Variants in AK9 observed in about 807,000 individuals in gnomAD.
The protein encoded by AK9 is adenylate kinase 9, also known as adenylate kinase domain containing 1.
Under a neutral mutation model 239.6 loss-of-function variants are expected in AK9, and 191 were observed. The observed-to-expected ratio is 0.80, with a 90% CI of 0.71 to 0.90. The LOEUF (loss-of-function observed/expected upper bound fraction) is 0.90, where lower values mean the gene tolerates loss of function less well. Ranked by LOEUF, AK9 falls within the 40% of genes least tolerant of loss-of-function variation. The pLI, the probability that AK9 is intolerant of heterozygous loss-of-function variation, is 0.00. For synonymous variants in AK9, 689 were observed against 721.0 expected (o/e 0.96, Z 0.71); for missense variants, 1,995 against 2,214.7 (o/e 0.90, Z 1.99).
At chr6:109,496,036 A>C (rs1164099635) in intron 38 of AK9, among the ~76,000 whole-genome samples, 1 of 152,166 alleles carries the variant, frequency 6.6e-6, no homozygotes, top group Non-Finnish European at 1.5e-5. Context: ...TATGCCTTCC[A>C]GAAACGAACA....
intron 13 of AK9, among the ~76,000 whole-genome samples, chr6:109,615,637 G>T (rs1370982616): frequency 2.0e-5 from 3 of 151,950 alleles, no homozygotes; most frequent in African/African-American, 7.2e-5. Flanking sequence ...GTAATCTCTT[G>T]GGCACCATGT....
At chr6:109,519,535 C>A (rs1454576303) in intron 29 of AK9, among the ~76,000 whole-genome samples, 1 of 152,006 alleles carries the variant, frequency 6.6e-6, no homozygotes, top group Non-Finnish European at 1.5e-5. Flanking sequence ...TGGTTCATAC[C>A]TGTGATTCCA....
chr6:109,684,551 A>T (rs756508635), intron 1 of AK9, among the ~76,000 whole-genome samples: 24 of 152,148 alleles, frequency 1.6e-4, no homozygotes, highest in Non-Finnish European at 3.5e-4. Context: ...CAAACTTACA[A>T]GAAAAAAAAA....
At chr6:109,624,049 T>G (rs1055370253) in intron 12 of AK9, among the ~76,000 whole-genome samples, 22 of 148,122 alleles carry the variant, frequency 1.5e-4, no homozygotes, top group African/African-American at 4.2e-4. Context: ...TTCCTGCAGG[T>G]TTTTTTTTTG....
At chr6:109,689,499 A>T (rs947847751) in intron 1 of AK9, among the ~76,000 whole-genome samples, 11 of 152,244 alleles carry the variant, frequency 7.2e-5, no homozygotes, top group African/African-American at 2.7e-4. Flanking sequence ...GTTCTGCCCT[A>T]TCAGGCTTCA....
chr6:109,678,278 A>C (rs144021424), intron 1 of AK9, among the ~76,000 whole-genome samples: 1 of 152,350 alleles, frequency 6.6e-6, no homozygotes, highest in African/African-American at 2.4e-5. Context: ...TCAATCTCTA[A>C]AGAATTAAAC....
At chr6:109,567,739 G>T (rs191687879) in intron 21 of AK9, among the ~76,000 whole-genome samples, 2,451 of 112,988 alleles carry the variant, frequency 0.022, 66 homozygotes, top group African/African-American at 0.079. Context: ...GTTGTGGGGT[G>T]GGGGGAGGGG....
Position 109,577,888 on chromosome 6 carries a change from T to TTCTC in AK9, c.2191+1658_2191+1661dup, listed in dbSNP as rs748772685. Among the ~76,000 whole-genome samples, 17 of 101,408 alleles carry TTCTC rather than the reference T, an allele frequency of 1.7e-4. No individual in the cohort carries two copies. The East Asian group carries it at 3.6e-3, about 21-fold the overall frequency. The allele number at this position is 101,408 out of a possible 152,430, so 66.5% of individuals were successfully genotyped here. A position where few individuals can be genotyped will look rare whatever the true frequency, so the allele number is the denominator to read the frequency against. On this transcript the variant is annotated intron_variant, in intron 20 of 40. Coordinates refer to ENST00000424296, the MANE Select transcript of AK9 (RefSeq NM_001145128.3). ...TCTTTCTTTTTCTTTCCTTCTTTCC[T>TTCTC]TCTCTCTCTCTTTCTCTCTTTCTTT...
intron 24 of AK9, among the ~76,000 whole-genome samples, chr6:109,558,810 T>G (rs1186899681): frequency 2.6e-5 from 4 of 152,172 alleles, no homozygotes; most frequent in Non-Finnish European, 4.4e-5. Flanking sequence ...TAGATAAATT[T>G]GGGGAGAATT....
intron 8 of AK9, among the ~76,000 whole-genome samples, chr6:109,650,650 A>G (rs2128302388): frequency 6.6e-6 from 1 of 152,368 alleles, no homozygotes; most frequent in South Asian, 2.1e-4. Flanking sequence ...AAACTAGTTC[A>G]ACCATTGTGA....
At chr6:109,564,988 G>C in intron 21 of AK9, 143 bp from the exon 22 acceptor site, 2 of 543,348 alleles carry the variant, frequency 3.7e-6, no homozygotes, top group South Asian at 4.1e-5. Context: ...GTTAGGGAAA[G>C]AACGGCATAA....
At position 109,659,415 on chromosome 6, in the gene AK9, TA is replaced by T; in HGVS notation, c.445-3del. The T allele has an allele frequency of 1.3e-6, 2 of 1,589,226 alleles. No individual in the cohort carries two copies. The highest frequency in any genetic ancestry group is 1.8e-5 in the Admixed American group (1 of 55,930). On this transcript the variant is annotated splice_region_variant and splice_polypyrimidine_tract_variant and intron_variant, in intron 6 of 40. Transcript: ENST00000424296. Reference sequence around the variant, plus strand: ...CTGGCACAAATCATAGTCAGGACACTAAGAAACAACATTATTAAATCACTTA... The same window carrying T: ...CTGGCACAAATCATAGTCAGGACACTAGAAACAACATTATTAAATCACTTA...
intron 20 of AK9, among the ~76,000 whole-genome samples, chr6:109,576,605 G>GGTATATGA (rs1482004914): frequency 2.0e-5 from 3 of 151,278 alleles, no homozygotes; most frequent in Non-Finnish European, 2.9e-5. Context: ...GAATTTTCTA[G>GGTATATGA]GTATATGATC....
chr6:109,580,247 T>C (rs1788657340), intron 19 of AK9, among the ~76,000 whole-genome samples: 1 of 152,106 alleles, frequency 6.6e-6, no homozygotes, highest in African/African-American at 2.4e-5. Flanking sequence ...ACCTGGAATA[T>C]GGAGACTTAA....
intron 20 of AK9, among the ~76,000 whole-genome samples, chr6:109,574,091 C>T (rs527575119): frequency 1.1e-3 from 163 of 152,128 alleles, no homozygotes; most frequent in Non-Finnish European, 1.6e-3. Context: ...CCATGTGTGG[C>T]TTATATTATG....
intron 24 of AK9, among the ~76,000 whole-genome samples, chr6:109,553,271 T>C (rs1784573357): frequency 6.6e-6 from 1 of 152,226 alleles, no homozygotes; most frequent in Non-Finnish European, 1.5e-5. Flanking sequence ...GGAATAGCAT[T>C]GAATCTATAA....
At chr6:109,518,063 C>T (rs559486301) in intron 29 of AK9, among the ~76,000 whole-genome samples, 1 of 152,250 alleles carries the variant, frequency 6.6e-6, no homozygotes, top group Non-Finnish European at 1.5e-5. Flanking sequence ...TCTGCCTTCA[C>T]ATTGTCTCTT....
intron 29 of AK9, among the ~76,000 whole-genome samples, chr6:109,525,627 C>G (rs1780412183): frequency 6.6e-6 from 1 of 152,038 alleles, no homozygotes; most frequent in African/African-American, 2.4e-5. Context: ...TCATGCCAGT[C>G]AGAATGACTA....
At chr6:109,682,720 A>C (rs2128355604) in intron 1 of AK9, among the ~76,000 whole-genome samples, 1 of 152,232 alleles carries the variant, frequency 6.6e-6, no homozygotes, top group African/African-American at 2.4e-5. Flanking sequence ...TCCCTGAATA[A>C]ACCAATAACA....
Sources: allele counts gnomAD v4.1 joint callset (sites outside exome capture counted in the v4.1 genomes callset), GRCh38; gene constraint gnomAD v4.1.1; transcripts MANE v1.5; gene names NCBI Gene and HGNC (gene_info 2026-07-23, HGNC 2026-07-21).